Variants in ZFP42 observed in about 807,000 individuals in gnomAD.
ZFP42 encodes zinc finger protein 42 homolog.
For synonymous variants in ZFP42, 175 were observed against 144.6 expected, an observed-to-expected ratio of 1.21 and a Z score of -1.51; for missense variants, 438 against 377.1, an observed-to-expected ratio of 1.16 and a Z score of -1.34.
chr4:187,999,306 C>CT (rs1233532127), intron 2 of ZFP42, 33 bp downstream of exon 2: 3 of 151,916 alleles, frequency 2.0e-5, no homozygotes, highest in Non-Finnish European at 2.9e-5. Context: ...CTCATTTTTT[C>CT]TTTTTTGTAG....
chr4:188,002,989 A>G lies in ZFP42; in HGVS notation c.182A>G (p.Gln61Arg). The G allele has an allele frequency of 6.2e-7, 1 of 1,614,018 alleles. No homozygotes were observed. Among genetic ancestry groups the G allele is most frequent in the Middle Eastern group, 1.6e-4 (1 of 6,062 alleles). The change falls in exon 4 of 4, where the codon CAG becomes CGG. Residue 61 changes from glutamine to arginine, a missense_variant. Transcript: ENST00000326866. ...DGYVCYEPGP[Q>R]ALGGDDFSDC... ...TATGTGTGCTATGAGCCTGGCCCTC[A>G]GGCTCTCGGAGGGGATGATTTCTCA...
At chr4:187,997,250 T>TTTTTTTTTTTTTTTTTTA (rs1733634146) in intron 1 of ZFP42, among the ~76,000 whole-genome samples, 2 of 141,862 alleles carry the variant, frequency 1.4e-5, no homozygotes, top group South Asian at 2.3e-4. Context: ...TTTTTTTTTT[T>TTTTTTTTTTTTTTTTTTA]GAGACAGAGT....
intron 3 of ZFP42, among the ~76,000 whole-genome samples, chr4:187,999,994 G>A (rs750975851): frequency 2.0e-5 from 3 of 152,210 alleles, no homozygotes; most frequent in Non-Finnish European, 2.9e-5. Flanking sequence ...AGCTTGGAGG[G>A]AAAAGCAGCA....
intron 1 of ZFP42, among the ~76,000 whole-genome samples, chr4:187,996,244 T>C (rs865919601): frequency 2.6e-5 from 4 of 152,218 alleles, no homozygotes; most frequent in African/African-American, 9.6e-5. Flanking sequence ...TCCTCTCCTC[T>C]TATCTCTGGA....
At chr4:187,997,540 AC>A (rs1733650765) in intron 1 of ZFP42, among the ~76,000 whole-genome samples, 1 of 147,482 alleles carries the variant, frequency 6.8e-6, no homozygotes, top group African/African-American at 2.5e-5. Flanking sequence ...CCCCGCCCCG[AC>A]CTTTTTTTTA....
In ZFP42 at chr4:188,003,263, T is replaced by G; in HGVS notation, c.456T>G (p.Leu152=). Residue 152 remains leucine (L), a synonymous_variant, in exon 4 of 4, where the codon CTT becomes CTG. Transcript: ENST00000326866. ...EYSEYMTGKK[L]PPGGIPGIDL... is the part of the protein sequence containing the mutation. ...CTGAGTACATGACAGGCAAGAAGCT[T>G]CCGCCTGGAGGAATACCTGGCATTG... is the stretch of plus-strand genomic sequence containing the variant. 2 of 1,614,076 alleles carry G rather than the reference T, an allele frequency of 1.2e-6. No homozygotes were observed. Among genetic ancestry groups the G allele is most frequent in the Non-Finnish European group, 1.7e-6 (2 of 1,180,022 alleles).
chr4:188,003,254 C>T lies in ZFP42; in HGVS notation c.447C>T (p.Gly149=). ...TTGAGTATTCTGAGTACATGACAGG[C>T]AAGAAGCTTCCGCCTGGAGGAATAC... ...NSLEYSEYMT[G]KKLPPGGIPG... is the part of the protein sequence containing the mutation. Residue 149 remains glycine, a synonymous_variant, in exon 4 of 4, where the codon GGC becomes GGT. Coordinates refer to ENST00000326866, the MANE Select transcript of ZFP42 (RefSeq NM_174900.5). 6.2e-7 allele frequency: 1 copy of T among 1,614,082 alleles called. No homozygotes were observed. The highest frequency in any genetic ancestry group is 8.5e-7 in the Non-Finnish European group (1 of 1,180,034).
rs558426352 is a variant in ZFP42, at chr4:188,001,125, A to G, written c.-96+1440A>G. On this transcript the variant is annotated intron_variant, in intron 3 of 3. Coordinates refer to ENST00000326866, the MANE Select transcript of ZFP42 (RefSeq NM_174900.5). ...AGTTGGAACACATTTTGTTTTTATT[A>G]TATGTATTTGTTTTTTACCAAAAGT... Among the ~76,000 whole-genome samples, 4 of 152,130 alleles carry G rather than the reference A, an allele frequency of 2.6e-5. No individual in the cohort carries two copies. In the East Asian group the frequency reaches 7.7e-4, roughly 29 times the overall value.
Position 187,997,228 on chromosome 4 carries a change from CTTTTTTT to C in ZFP42, c.-339+1404_-339+1410del, listed in dbSNP as rs71595201. Among the ~76,000 whole-genome samples, 6 of 60,030 alleles carry C rather than the reference CTTTTTTT, an allele frequency of 1.0e-4. No homozygotes were observed. In the East Asian group the frequency reaches 3.4e-3, roughly 34 times the overall value. The allele number at this position is 60,030 out of a possible 152,430, so 39.4% of individuals were successfully genotyped here. A position where few individuals can be genotyped will look rare whatever the true frequency, so the allele number is the denominator to read the frequency against. Reference sequence around the variant, plus strand: ...CCTCGGTTACTTCCCCTCTCATATTCTTTTTTTTTTTTTTTTTTTTTTGAGACAGAGT... The same window carrying C: ...CCTCGGTTACTTCCCCTCTCATATTCTTTTTTTTTTTTTTTGAGACAGAGT... On this transcript the variant is annotated intron_variant, in intron 1 of 3. Coordinates refer to ENST00000326866, the MANE Select transcript of ZFP42 (RefSeq NM_174900.5).
rs1440714699 is a variant in ZFP42, at chr4:188,003,019, G to A, written c.212G>A (p.Cys71Tyr). The A allele has an allele frequency of 1.2e-6, 2 of 1,614,076 alleles. No homozygotes were observed. The highest frequency in any genetic ancestry group is 2.7e-5 in the African/African-American group (2 of 74,918). Residue 71 changes from cysteine to tyrosine, a missense_variant, in exon 4 of 4, where the codon TGT (cysteine) becomes TAT (tyrosine). Physicochemically the swap from Cys to Tyr is radical, Grantham distance 194. Transcript: ENST00000326866. ...QALGGDDFSD[C>Y]YIECVIRGEF... ...CTCGGAGGGGATGATTTCTCAGACT[G>A]TTACATAGAATGCGTCATAAGGGGT...
rs1733884006 is a variant in ZFP42 at position 188,002,869 on chromosome 4, C to A, written c.62C>A (p.Ala21Asp). 5 of 1,614,086 alleles carry A rather than the reference C, an allele frequency of 3.1e-6. No individual in the cohort carries two copies. The highest frequency in any genetic ancestry group is 1.3e-5 in the African/African-American group (1 of 74,944). ...TRHQKGLGGR[A>D]PSGAKPRQGK... is the part of the protein sequence containing the mutation. Reference sequence around the variant, plus strand: ...CACCAGAAAGGCCTGGGTGGAAGAGCCCCCAGTGGGGCTAAGCCCAGGCAA... The same window carrying A: ...CACCAGAAAGGCCTGGGTGGAAGAGACCCCAGTGGGGCTAAGCCCAGGCAA... The change falls in exon 4 of 4, where the codon GCC becomes GAC. Residue 21 changes from alanine to aspartate, a missense_variant. Physicochemically the swap from Ala to Asp is moderately radical, Grantham distance 126. Transcript: ENST00000326866.
chr4:187,999,676 A>T lies in ZFP42; in HGVS notation c.-105A>T, dbSNP rs1167863752. 6.6e-6 allele frequency: 1 copy of T among 152,266 alleles called. No homozygotes were observed. The highest frequency in any genetic ancestry group is 2.4e-5 in the African/African-American group (1 of 41,460). The allele number at this position is 152,266 out of a possible 1,614,324, so 9.4% of individuals were successfully genotyped here. A position where few individuals can be genotyped will look rare whatever the true frequency, so the allele number is the denominator to read the frequency against. ...AGGCCTTCACTCTAGTAGTGCTCACAGTCCAGCAGGTAAGACAGACTTGAA... is the reference window on the plus strand; with the variant it reads ...AGGCCTTCACTCTAGTAGTGCTCACTGTCCAGCAGGTAAGACAGACTTGAA... On this transcript the variant is annotated 5_prime_UTR_variant, in exon 3 of 4. Transcript: ENST00000326866.
intron 1 of ZFP42, among the ~76,000 whole-genome samples, chr4:187,996,338 GTC>G: frequency 6.6e-6 from 1 of 151,718 alleles, no homozygotes; most frequent in Non-Finnish European, 1.5e-5. Context: ...TTTGGAGACA[GTC>G]TCGCTCTGTT....
chr4:188,002,050 G>T (rs771198424), intron 3 of ZFP42, among the ~76,000 whole-genome samples: 1 of 152,064 alleles, frequency 6.6e-6, no homozygotes. Context: ...GGTGGCGTGC[G>T]CCTGTAATCC....
At position 188,003,036 on chromosome 4, in the gene ZFP42, A is replaced by G. The variant is rs751115102; in HGVS notation, c.229A>G (p.Ile77Val). ...CTCAGACTGTTACATAGAATGCGTCATAAGGGGTGAGTTTTCTCAACCCAT... is the reference window on the plus strand; with the variant it reads ...CTCAGACTGTTACATAGAATGCGTCGTAAGGGGTGAGTTTTCTCAACCCAT... ...DFSDCYIECV[I>V]RGEFSQPILE... is the part of the protein sequence containing the mutation. Residue 77 changes from isoleucine to valine, a missense_variant, in exon 4 of 4, where the codon ATA (isoleucine) becomes GTA (valine). Ile to Val is a conservative substitution (Grantham distance 29). Coordinates refer to ENST00000326866, the MANE Select transcript of ZFP42 (RefSeq NM_174900.5). 1.3e-5 allele frequency: 21 copies of G among 1,614,232 alleles called. No homozygotes were observed. The South Asian group carries it at 2.0e-4, about 15-fold the overall frequency.
intron 3 of ZFP42, among the ~76,000 whole-genome samples, chr4:188,001,318 A>T (rs1733811285): frequency 6.6e-6 from 1 of 152,192 alleles, no homozygotes; most frequent in Non-Finnish European, 1.5e-5. Flanking sequence ...CAATTGTAAC[A>T]TTAAGTAAGA....
chr4:188,003,832 A>C lies in ZFP42; in HGVS notation c.*92A>C, dbSNP rs1274290183. On this transcript the variant is annotated 3_prime_UTR_variant, in exon 4 of 4. Coordinates refer to ENST00000326866, the MANE Select transcript of ZFP42 (RefSeq NM_174900.5). Reference sequence around the variant, plus strand: ...GTTTCTAGGAAGGAATTTCTAAATCAATATTGCAACCCCAAAAGCGGTTAT... The same window carrying C: ...GTTTCTAGGAAGGAATTTCTAAATCCATATTGCAACCCCAAAAGCGGTTAT... 1.1e-5 allele frequency: 15 copies of C among 1,322,120 alleles called. No individual in the cohort carries two copies. The allele number at this position is 1,322,120 out of a possible 1,614,324, so 81.9% of individuals were successfully genotyped here.
At position 188,003,931 on chromosome 4, in the gene ZFP42, ATTTGT is replaced by A. The variant is rs1408809090; in HGVS notation, c.*195_*199del. The stretch of plus-strand genomic sequence containing the variant: ...GACATGGTGCATTTTTTTTTCTTTT[ATTTGT>A]TTTATTTAGAACTTTTTTTATTTGT... On this transcript the variant is annotated 3_prime_UTR_variant, in exon 4 of 4. Transcript: ENST00000326866. 5.5e-6 allele frequency: 3 copies of A among 543,592 alleles called. No individual in the cohort carries two copies. Among genetic ancestry groups the A allele is most frequent in the Admixed American group, 3.7e-5 (1 of 26,884 alleles). The allele number at this position is 543,592 out of a possible 1,614,324, so 33.7% of individuals were successfully genotyped here.
At position 188,002,888 on chromosome 4, in the gene ZFP42, C is replaced by CAGGCAAGGCA; in HGVS notation, c.84_93dup (p.Ser32AlafsTer23). On this transcript the variant is annotated frameshift_variant, in exon 4 of 4. Coordinates refer to ENST00000326866, the MANE Select transcript of ZFP42 (RefSeq NM_174900.5). LOFTEE classifies it low-confidence loss of function (END_TRUNC). ...GAAGAGCCCCCAGTGGGGCTAAGCC[C>CAGGCAAGGCA]AGGCAAGGCAAGTCAAGCCAAGACC... 1.2e-6 allele frequency: 2 copies of CAGGCAAGGCA among 1,614,164 alleles called. No individual in the cohort carries two copies. Among genetic ancestry groups the CAGGCAAGGCA allele is most frequent in the Non-Finnish European group, 1.7e-6 (2 of 1,180,012 alleles).
Sources: allele counts gnomAD v4.1 joint callset (sites outside exome capture counted in the v4.1 genomes callset), GRCh38; gene constraint gnomAD v4.1.1; transcripts MANE v1.5; gene names NCBI Gene and HGNC (gene_info 2026-07-23, HGNC 2026-07-21).